The following ITGA2 variants were observed in gnomAD, a reference collection of about 807,000 sequenced individuals.
ITGA2 encodes the protein integrin subunit alpha 2.
Under a neutral mutation model 146.3 loss-of-function variants are expected in ITGA2, and 101 were observed. That is an observed-to-expected ratio of 0.69 (90% CI 0.59 to 0.81). The LOEUF (loss-of-function observed/expected upper bound fraction) is 0.81, where lower values mean the gene tolerates loss of function less well. Ranked by LOEUF, ITGA2 falls within the 40% of genes least tolerant of loss-of-function variation. The pLI is 0.00. For synonymous variants in ITGA2, 477 were observed against 487.1 expected, an observed-to-expected ratio of 0.98 and a Z score of 0.27; for missense variants, 1,281 against 1,402.7, an observed-to-expected ratio of 0.91 and a Z score of 1.39.
At chr5:53,030,386 C>G (rs774722601) in intron 2 of ITGA2, among the ~76,000 whole-genome samples, 29 of 152,168 alleles carry the variant, frequency 1.9e-4, no homozygotes, top group Non-Finnish European at 4.0e-4. Flanking sequence ...CTATTATTGG[C>G]TGGGCCAGGG....
At chr5:53,058,460 C>CA (rs1744743059) in intron 10 of ITGA2, among the ~76,000 whole-genome samples, 1 of 151,884 alleles carries the variant, frequency 6.6e-6, no homozygotes, top group African/African-American at 2.4e-5. Flanking sequence ...CTCTTGTCAT[C>CA]ACCGTCATGG....
intron 1 of ITGA2, among the ~76,000 whole-genome samples, chr5:53,017,414 C>G (rs569077228): frequency 6.6e-6 from 1 of 152,196 alleles, no homozygotes; most frequent in East Asian, 1.9e-4. Flanking sequence ...TGGGCCCCCC[C>G]GCTTTGTTCT....
In ITGA2 at chr5:53,086,776, C is replaced by T. The variant is rs3212697; in HGVS notation, c.3259-176C>T. 1.1e-3 allele frequency among the ~76,000 whole-genome samples: 169 copies of T among 152,246 alleles called. 2 individuals carry two copies. The highest frequency in any genetic ancestry group is 7.8e-3 in the Admixed American group (119 of 15,290). ...TTAAAATTACCCGAGGTATTTCTGACGGGCAGTCCTGTTACACAGCACTGG... is the reference window on the plus strand; with the variant it reads ...TTAAAATTACCCGAGGTATTTCTGATGGGCAGTCCTGTTACACAGCACTGG... On this transcript the variant is annotated intron_variant, in intron 27 of 29. Transcript: ENST00000296585.
chr5:53,020,740 G>A (rs944140424), intron 1 of ITGA2, among the ~76,000 whole-genome samples: 5 of 151,418 alleles, frequency 3.3e-5, no homozygotes, highest in Non-Finnish European at 5.9e-5. Flanking sequence ...GGAGTGCAGT[G>A]GCTCGATCTT....
chr5:53,064,334 C>A (rs537158774), intron 13 of ITGA2, among the ~76,000 whole-genome samples: 32 of 151,794 alleles, frequency 2.1e-4, no homozygotes, highest in African/African-American at 7.2e-4. Context: ...AAAATGAGAC[C>A]AAGAAATGGA....
At chr5:53,044,044 G>T (rs1327690976) in intron 3 of ITGA2, among the ~76,000 whole-genome samples, 1 of 151,872 alleles carries the variant, frequency 6.6e-6, no homozygotes, top group Non-Finnish European at 1.5e-5. Context: ...GGAGGCCGAG[G>T]TGGGTAGATA....
chr5:53,033,915 C>T (rs1441638049), intron 2 of ITGA2, among the ~76,000 whole-genome samples: 1 of 152,064 alleles, frequency 6.6e-6, no homozygotes, highest in Non-Finnish European at 1.5e-5. Context: ...AAGCGCCCAC[C>T]ACCATGCCTG....
chr5:53,072,590 G>A (rs1225592518), intron 18 of ITGA2, 23 bp from the exon 19 acceptor site: 2 of 1,586,488 alleles, frequency 1.3e-6, no homozygotes, highest in South Asian at 1.1e-5. Flanking sequence ...GCAAATGTAT[G>A]GATCTTTTTT....
chr5:53,007,356 TAAAAG>T (rs1194746923), intron 1 of ITGA2, among the ~76,000 whole-genome samples: 1 of 152,120 alleles, frequency 6.6e-6, no homozygotes, highest in South Asian at 2.1e-4. Flanking sequence ...CAGGGTATAA[TAAAAG>T]AAATACTAAC....
At chr5:52,993,279 C>A (rs1741065440) in intron 1 of ITGA2, among the ~76,000 whole-genome samples, 1 of 152,164 alleles carries the variant, frequency 6.6e-6, no homozygotes, top group African/African-American at 2.4e-5. Context: ...TATGGCTTAG[C>A]AGTTATACCT....
intron 2 of ITGA2, among the ~76,000 whole-genome samples, chr5:53,040,459 C>T (rs944158245): frequency 2.0e-5 from 3 of 152,306 alleles, no homozygotes; most frequent in East Asian, 1.9e-4. Context: ...TGCTCAAACA[C>T]GCGTTCCAAT....
intron 1 of ITGA2, among the ~76,000 whole-genome samples, chr5:53,001,813 T>TAAA (rs34186143): frequency 2.4e-4 from 27 of 110,288 alleles, no homozygotes; most frequent in African/African-American, 7.7e-4. Flanking sequence ...AGGCCCTTTC[T>TAAA]AAAAAAAAAA....
Position 53,079,753 on chromosome 5 carries a change from C to T in ITGA2, c.2929-758C>T, listed in dbSNP as rs3212610. On this transcript the variant is annotated intron_variant, in intron 24 of 29. Coordinates refer to ENST00000296585, the MANE Select transcript of ITGA2 (RefSeq NM_002203.4). ...TCTTTAATGGGGCATCTATTCAATT[C>T]GCGGTAATAACATTCATAGAGTGTG... Among the ~76,000 whole-genome samples, 1,181 of 152,162 alleles carry T rather than the reference C, an allele frequency of 7.8e-3. 12 individuals are homozygous for T. Among genetic ancestry groups the T allele is most frequent in the African/African-American group, 0.026 (1,060 of 41,516 alleles).
chr5:53,075,840 A>G (rs983472371), intron 23 of ITGA2, among the ~76,000 whole-genome samples: 5 of 151,928 alleles, frequency 3.3e-5, no homozygotes, highest in African/African-American at 1.2e-4. Context: ...TTCCTCACAT[A>G]TCAGATTAGG....
chr5:53,070,160 C>A lies in ITGA2; in HGVS notation c.2135C>A (p.Thr712Asn). Residue 712 changes from threonine to asparagine, a missense_variant, in exon 17 of 30, where the codon ACC (threonine) becomes AAC (asparagine). By Grantham distance (65) the Thr-to-Asn change is moderately conservative. Coordinates refer to ENST00000296585, the MANE Select transcript of ITGA2 (RefSeq NM_002203.4). ...LDADGFSSRV[T>N]SRGLFKENNE... ...GCAGATGGATTTTCATCCAGAGTAA[C>A]CTCCAGGGGGTTATTTAAAGAAAAC... 2 of 1,611,546 alleles carry A rather than the reference C, an allele frequency of 1.2e-6. No homozygotes were observed. Among genetic ancestry groups the A allele is most frequent in the African/African-American group, 1.3e-5 (1 of 74,802 alleles).
rs144430073 is a variant in ITGA2, at chr5:53,065,936, C to T, written c.1902C>T (p.Thr634=). 4.6e-5 allele frequency: 74 copies of T among 1,611,938 alleles called. No individual in the cohort carries two copies. Among genetic ancestry groups the T allele is most frequent in the African/African-American group, 3.7e-4 (28 of 74,792 alleles). The part of the protein sequence containing the change: ...GYGDLNGDSI[T]DVSIGAFGQV... ...GAGATTTAAATGGGGATTCCATCAC[C>T]GATGTGTCTATTGGTGCCTTTGGAC... The change falls in exon 15 of 30, where the codon ACC becomes ACT. Residue 634 remains threonine (T), a synonymous_variant. Coordinates refer to ENST00000296585, the MANE Select transcript of ITGA2 (RefSeq NM_002203.4).
chr5:53,063,184 T>A (rs1744979177), intron 13 of ITGA2, among the ~76,000 whole-genome samples: 1 of 151,854 alleles, frequency 6.6e-6, no homozygotes, highest in Admixed American at 6.6e-5. Flanking sequence ...CTTATGCAAA[T>A]AAAGCCATTA....
At chr5:52,995,798 A>G (rs1461104604) in intron 1 of ITGA2, among the ~76,000 whole-genome samples, 2 of 152,208 alleles carry the variant, frequency 1.3e-5, no homozygotes, top group East Asian at 1.9e-4. Context: ...CATTAACAAG[A>G]TGAGTCAGGC....
At chr5:53,070,575 T>A (rs975453633) in intron 17 of ITGA2, among the ~76,000 whole-genome samples, 2 of 151,948 alleles carry the variant, frequency 1.3e-5, no homozygotes, top group Non-Finnish European at 2.9e-5. Flanking sequence ...GCAATAAATG[T>A]TATTTTGATA....
Sources: gnomAD v4.1 joint callset for allele counts (sites outside exome capture counted in the v4.1 genomes callset) on GRCh38, gnomAD v4.1.1 for gene constraint, MANE v1.5 for transcripts, NCBI Gene and HGNC (gene_info 2026-07-23, HGNC 2026-07-21) for gene names.